EHD4: variants seen among roughly 807,000 people sequenced by gnomAD.
The protein encoded by EHD4 is EH domain containing 4.
Under a neutral mutation model 51.0 loss-of-function variants are expected in EHD4, and 37 were observed. The ratio of observed to expected loss-of-function variants is 0.73; its 90% CI spans 0.56 to 0.95. The LOEUF (loss-of-function observed/expected upper bound fraction) is 0.95. Ranked by LOEUF, EHD4 falls within the 40% of genes least tolerant of loss-of-function variation. EHD4 has a pLI of 0.00. For synonymous variants in EHD4, 297 were observed against 317.3 expected (o/e 0.94, Z 0.68); for missense variants, 632 against 733.1 (o/e 0.86, Z 1.59).
At chr15:41,940,287 A>G (rs749810204) in intron 3 of EHD4, among the ~76,000 whole-genome samples, 2 of 152,232 alleles carry the variant, frequency 1.3e-5, no homozygotes, top group Non-Finnish European at 2.9e-5. Context: ...TTGTGGGGTC[A>G]CAGTTTGTAC....
At chr15:41,905,070 C>T (rs903039722) in intron 5 of EHD4, among the ~76,000 whole-genome samples, 5 of 152,236 alleles carry the variant, frequency 3.3e-5, no homozygotes, top group African/African-American at 1.2e-4. Context: ...ACAGTGTGGT[C>T]ACTTCTAAGC....
intron 2 of EHD4, among the ~76,000 whole-genome samples, chr15:41,944,555 C>T (rs553876231): frequency 2.1e-4 from 32 of 152,216 alleles, no homozygotes; most frequent in Admixed American, 4.6e-4. Flanking sequence ...TATGAGCGGC[C>T]GTTACTGACA....
rs761326048 is a variant in EHD4 at position 41,919,387 on chromosome 15, C to T, written c.747G>A (p.Thr249=). 1.4e-5 allele frequency: 23 copies of T among 1,611,098 alleles called. No individual in the cohort carries two copies. Among genetic ancestry groups the T allele is most frequent in the African/African-American group, 8.0e-5 (6 of 74,802 alleles). ...LMWSLGKVIN[T]PEVLRVYIGS... ...CAATGTAGACGCGCAGTACCTCGGG[C>T]GTGTTGATGACCTTGCCTAGGGACC... The change falls in exon 4 of 6, where the codon ACG becomes ACA. Residue 249 remains threonine, a synonymous_variant. Coordinates refer to ENST00000220325, the MANE Select transcript of EHD4 (RefSeq NM_139265.4).
intron 1 of EHD4, among the ~76,000 whole-genome samples, chr15:41,954,167 C>G (rs971138358): frequency 3.9e-5 from 6 of 152,200 alleles, no homozygotes; most frequent in Admixed American, 3.3e-4. Context: ...TCTGCTCAGG[C>G]TCAGCTCCCT....
chr15:41,941,675 C>T (rs2067772429), intron 3 of EHD4: 1 of 151,234 alleles, frequency 6.6e-6, no homozygotes, highest in Non-Finnish European at 1.5e-5. Flanking sequence ...AAGTCCCTGA[C>T]TGAAACAGTG....
chr15:41,971,953 A>G (rs1180952409), intron 1 of EHD4, among the ~76,000 whole-genome samples: 2 of 152,218 alleles, frequency 1.3e-5, no homozygotes, highest in Admixed American at 1.3e-4. Context: ...TATGCTGATT[A>G]TGGCTCGCGC....
At chr15:41,921,172 C>G (rs1704398) in intron 3 of EHD4, among the ~76,000 whole-genome samples, 152,212 of 152,306 alleles carry the variant, frequency 1, 76,060 homozygotes, top group Non-Finnish European at 1. Context: ...CCCCCACTAG[C>G]AGGCCGCTGT....
intron 2 of EHD4, among the ~76,000 whole-genome samples, chr15:41,948,856 C>T (rs755411839): frequency 1.0e-3 from 155 of 150,952 alleles, no homozygotes; most frequent in Non-Finnish European, 1.8e-3. Flanking sequence ...TGGCAAAACC[C>T]TGTCTTTACA....
intron 1 of EHD4, 111 bp downstream of exon 1, chr15:41,972,148 T>C: frequency 1.8e-6 from 2 of 1,140,630 alleles, no homozygotes; most frequent in East Asian, 3.5e-5. Context: ...CCGGGAGGGG[T>C]CCCCGAGGTC....
At position 41,900,711 on chromosome 15, in the gene EHD4, C is replaced by T. The variant is rs2067470819; in HGVS notation, c.1560G>A (p.Leu520=). The change falls in exon 6 of 6, where the codon CTG becomes CTA. Residue 520 remains leucine (L), a synonymous_variant. Coordinates refer to ENST00000220325, the MANE Select transcript of EHD4 (RefSeq NM_139265.4). The surrounding 1 kb of genome is among the most constrained non-coding windows in gnomAD (Gnocchi z 4.8). Reference sequence around the variant, plus strand: ...CGAGGTGGGGGGGCAGGCTGCTGGGCAGCTCGTAGCCGTCGAGCTTGATCT... The same window carrying T: ...CGAGGTGGGGGGGCAGGCTGCTGGGTAGCTCGTAGCCGTCGAGCTTGATCT... ...LIKIKLDGYE[L]PSSLPPHLVP... 1.2e-6 allele frequency: 2 copies of T among 1,609,712 alleles called. No homozygotes were observed. The highest frequency in any genetic ancestry group is 8.5e-7 in the Non-Finnish European group (1 of 1,179,742).
chr15:41,971,497 T>G (rs781337574), intron 1 of EHD4, among the ~76,000 whole-genome samples: 2 of 152,258 alleles, frequency 1.3e-5, no homozygotes, highest in Non-Finnish European at 2.9e-5. Flanking sequence ...CTATATGATT[T>G]GAACCACAGG....
chr15:41,967,376 ACT>A (rs2067967880), intron 1 of EHD4, among the ~76,000 whole-genome samples: 1 of 151,964 alleles, frequency 6.6e-6, no homozygotes, highest in South Asian at 2.1e-4. Context: ...TGGCCTGTTG[ACT>A]CTCTTCTGTG....
intron 4 of EHD4, among the ~76,000 whole-genome samples, chr15:41,913,139 G>A (rs907531908): frequency 1.3e-5 from 2 of 152,190 alleles, no homozygotes; most frequent in Admixed American, 6.5e-5. Context: ...GGGACACCAC[G>A]TGGGAATGCG....
rs1208551027 is a variant in EHD4, at chr15:41,900,324, G to T, written c.*321C>A. On this transcript the variant is annotated 3_prime_UTR_variant, in exon 6 of 6. Coordinates refer to ENST00000220325, the MANE Select transcript of EHD4 (RefSeq NM_139265.4). This position sits in a 1 kb window ranked among gnomAD's most constrained non-coding sequence, Gnocchi z 4.8. ...GGGTGAGCCTTAGCTCACTTCCTGTGGTTCCTGGGACTTACCAGGCCCACC... is the reference window on the plus strand; with the variant it reads ...GGGTGAGCCTTAGCTCACTTCCTGTTGTTCCTGGGACTTACCAGGCCCACC... 6.0e-6 allele frequency: 2 copies of T among 333,690 alleles called. No individual in the cohort carries two copies. The highest frequency in any genetic ancestry group is 5.2e-5 in the East Asian group (1 of 19,088). 20.7% of individuals were successfully genotyped at this position (333,690 alleles called of 1,614,324 possible). A position where few individuals can be genotyped will look rare whatever the true frequency, so the allele number is the denominator to read the frequency against.
At chr15:41,933,118 G>A (rs534596580) in intron 3 of EHD4, among the ~76,000 whole-genome samples, 1 of 152,128 alleles carries the variant, frequency 6.6e-6, no homozygotes, top group East Asian at 1.9e-4. Context: ...CCTCCTCCAG[G>A]GCCCACAGGA....
At chr15:41,949,027 T>TATATATATAC (rs1555382844) in intron 2 of EHD4, among the ~76,000 whole-genome samples, 1 of 121,574 alleles carries the variant, frequency 8.2e-6, no homozygotes, top group Non-Finnish European at 1.7e-5. Context: ...TATATATATA[T>TATATATATAC]ATATATATAT....
At chr15:41,963,002 C>T (rs572755890) in intron 1 of EHD4, among the ~76,000 whole-genome samples, 20 of 152,272 alleles carry the variant, frequency 1.3e-4, no homozygotes, top group South Asian at 2.1e-4. Flanking sequence ...CCCCCAACCC[C>T]GTGCTCTCTG....
chr15:41,934,419 G>C (rs1052708305), intron 3 of EHD4, among the ~76,000 whole-genome samples: 3 of 151,542 alleles, frequency 2.0e-5, no homozygotes, highest in Admixed American at 6.6e-5. Context: ...TGGGCTCAAG[G>C]TTCTCTTGCC....
rs141376208 is a variant in EHD4, at chr15:41,903,427, C to T, written c.1090-2246G>A. On this transcript the variant is annotated intron_variant, in intron 5 of 5. Transcript: ENST00000220325. Reference sequence around the variant, plus strand: ...AAAAACCTCTGCTAGCATATCTGGGCATGCATTTCTAGCCATTAACATACA... The same window carrying T: ...AAAAACCTCTGCTAGCATATCTGGGTATGCATTTCTAGCCATTAACATACA... Among the ~76,000 whole-genome samples, 1,080 of 149,208 alleles carry T rather than the reference C, an allele frequency of 7.2e-3. 19 individuals carry two copies. The highest frequency in any genetic ancestry group is 0.025 in the African/African-American group (1,023 of 40,156).
Sources: gnomAD v4.1 joint callset for allele counts (sites outside exome capture counted in the v4.1 genomes callset) on GRCh38, gnomAD v4.1.1 for gene constraint, Gnocchi (gnomAD v3.1) non-coding constraint, MANE v1.5 for transcripts, NCBI Gene and HGNC (gene_info 2026-07-23, HGNC 2026-07-21) for gene names.